RBFOX1: variants seen among roughly 807,000 people sequenced by gnomAD.
RBFOX1 encodes RNA binding protein fox-1 homolog 1.
Under a neutral mutation model 57.7 loss-of-function variants are expected in RBFOX1, and 8 were observed. The ratio of observed to expected loss-of-function variants is 0.14; its 90% CI spans 0.08 to 0.25. The LOEUF (loss-of-function observed/expected upper bound fraction) is 0.25. Among genes scored for constraint, RBFOX1 ranks in the 10% least tolerant of loss-of-function variants. The pLI is 1.00. For missense variants in RBFOX1, 611 were observed against 548.5 expected (o/e 1.11, Z -1.14); for synonymous variants, 326 against 222.4 (o/e 1.47, Z -4.15).
At chr16:6,829,575 C>T (rs1417462591) in intron 3 of RBFOX1, among the ~76,000 whole-genome samples, 5 of 150,992 alleles carry the variant, frequency 3.3e-5, no homozygotes, top group African/African-American at 9.7e-5. Flanking sequence ...TTTGCATAAT[C>T]ATGTGAGTAA....
intron 3 of RBFOX1, among the ~76,000 whole-genome samples, chr16:6,795,958 G>A (rs2083921056): frequency 6.6e-6 from 1 of 151,960 alleles, no homozygotes; most frequent in South Asian, 2.1e-4. Flanking sequence ...TTGGGATAAG[G>A]GAATGTTATT....
At chr16:7,328,965 CTT>C (rs35960903) in intron 4 of RBFOX1, among the ~76,000 whole-genome samples, 1 of 151,938 alleles carries the variant, frequency 6.6e-6, no homozygotes, top group African/African-American at 2.4e-5. Context: ...TGGCTGGAAA[CTT>C]TTTTTAAAAA....
At position 7,347,417 on chromosome 16, in the gene RBFOX1, C is replaced by G. The variant is rs374246594; in HGVS notation, c.28-170730C>G. Among the ~76,000 whole-genome samples the G allele has an allele frequency of 2.0e-4, 30 of 152,264 alleles. No individual in the cohort carries two copies. In the South Asian group the frequency reaches 5.4e-3, roughly 27 times the overall value. On this transcript the variant is annotated intron_variant, in intron 4 of 15. Coordinates refer to ENST00000550418, the MANE Select transcript of RBFOX1 (RefSeq NM_018723.4). Reference sequence around the variant, plus strand: ...TTTAAAATCATCAGGTTTCATGAGACTTGTTCATTATCAGGAGAACAGCAC... The same window carrying G: ...TTTAAAATCATCAGGTTTCATGAGAGTTGTTCATTATCAGGAGAACAGCAC...
At chr16:6,833,231 T>C (rs550437822) in intron 3 of RBFOX1, among the ~76,000 whole-genome samples, 18 of 152,058 alleles carry the variant, frequency 1.2e-4, no homozygotes, top group Non-Finnish European at 2.6e-4. Flanking sequence ...AGTGGTAAAA[T>C]CTCGGCTCAT....
chr16:7,668,681 C>T (rs2070307349), intron 13 of RBFOX1, among the ~76,000 whole-genome samples: 1 of 151,810 alleles, frequency 6.6e-6, no homozygotes, highest in Non-Finnish European at 1.5e-5. Flanking sequence ...CACACACACA[C>T]TTTTGTATAA....
chr16:5,715,140 G>T (rs937768700), intron 3 of RBFOX1, among the ~76,000 whole-genome samples: 1 of 152,124 alleles, frequency 6.6e-6, no homozygotes, highest in Non-Finnish European at 1.5e-5. Flanking sequence ...TCATTCCTTG[G>T]TAATGCATTA....
At chr16:6,904,697 C>T (rs1220014381) in intron 3 of RBFOX1, among the ~76,000 whole-genome samples, 1 of 151,426 alleles carries the variant, frequency 6.6e-6, no homozygotes, top group African/African-American at 2.4e-5. Flanking sequence ...CTGCTTTTTC[C>T]CGTCAGTTTC....
chr16:6,701,379 C>T (rs1278337240), intron 3 of RBFOX1, among the ~76,000 whole-genome samples: 2 of 152,198 alleles, frequency 1.3e-5, no homozygotes, highest in Non-Finnish European at 2.9e-5. Context: ...ATCTTACTGA[C>T]TCCACAAAGT....
At chr16:5,867,272 A>G (rs2057364814) in intron 3 of RBFOX1, 1 of 1,170,064 alleles carries the variant, frequency 8.5e-7, no homozygotes, top group East Asian at 3.2e-5. Context: ...TGTTGAATCA[A>G]TACTAATGTC....
At chr16:5,526,705 AC>A (rs1271718932) in intron 2 of RBFOX1, among the ~76,000 whole-genome samples, 3 of 151,434 alleles carry the variant, frequency 2.0e-5, no homozygotes, top group Non-Finnish European at 4.4e-5. Context: ...TGAACATCTA[AC>A]CCCCCTGCTG....
At chr16:7,241,835 A>C (rs1248685451) in intron 4 of RBFOX1, among the ~76,000 whole-genome samples, 1 of 152,018 alleles carries the variant, frequency 6.6e-6, no homozygotes, top group Non-Finnish European at 1.5e-5. Context: ...TTATACATAT[A>C]TTAAATATGT....
At chr16:6,977,127 T>G (rs185879987) in intron 3 of RBFOX1, among the ~76,000 whole-genome samples, 290 of 139,188 alleles carry the variant, frequency 2.1e-3, no homozygotes, top group Admixed American at 4.0e-3. Context: ...TATTATCATA[T>G]ATATGATATA....
At chr16:6,893,390 C>G (rs557286704) in intron 3 of RBFOX1, among the ~76,000 whole-genome samples, 3 of 152,184 alleles carry the variant, frequency 2.0e-5, no homozygotes, top group Non-Finnish European at 2.9e-5. Flanking sequence ...AGAAGGCTTT[C>G]TTTATCCCTG....
At chr16:6,258,253 A>G (rs1374106417) in intron 1 of RBFOX1, among the ~76,000 whole-genome samples, 1 of 152,186 alleles carries the variant, frequency 6.6e-6, no homozygotes, top group African/African-American at 2.4e-5. Context: ...GTGCTCTTGT[A>G]CATATTGCAT....
At chr16:6,708,751 C>A (rs1176310747) in intron 3 of RBFOX1, among the ~76,000 whole-genome samples, 1 of 152,204 alleles carries the variant, frequency 6.6e-6, no homozygotes, top group Non-Finnish European at 1.5e-5. Context: ...ACTCAGGCGT[C>A]CCTTCGACTG....
intron 1 of RBFOX1, among the ~76,000 whole-genome samples, chr16:6,277,323 T>C (rs530581058): frequency 5.4e-4 from 81 of 150,998 alleles, no homozygotes; most frequent in Non-Finnish European, 9.7e-4. Context: ...TAGCCAGGTG[T>C]GATGGTGTGG....
intron 4 of RBFOX1, among the ~76,000 whole-genome samples, chr16:5,961,267 C>A (rs1222750535): frequency 6.6e-6 from 1 of 152,084 alleles, no homozygotes; most frequent in Non-Finnish European, 1.5e-5. Flanking sequence ...TTAGTTGTTG[C>A]ATTTAATCAT....
At chr16:6,664,112 T>C (rs1392586556) in intron 3 of RBFOX1, among the ~76,000 whole-genome samples, 1 of 152,182 alleles carries the variant, frequency 6.6e-6, no homozygotes, top group Non-Finnish European at 1.5e-5. Context: ...TCATAGATCA[T>C]GTTTATGTAT....
chr16:5,784,602 C>T (rs55873565), intron 3 of RBFOX1, among the ~76,000 whole-genome samples: 37,388 of 151,976 alleles, frequency 0.25, 5,394 homozygotes, highest in East Asian at 0.55. Context: ...CCCCATGATT[C>T]GCTCACCTCC....
Sources: gnomAD v4.1 joint callset for allele counts (sites outside exome capture counted in the v4.1 genomes callset) on GRCh38, gnomAD v4.1.1 for gene constraint, MANE v1.5 for transcripts, NCBI Gene and HGNC (gene_info 2026-07-23, HGNC 2026-07-21) for gene names.